ACSL5: variants seen among roughly 807,000 people sequenced by gnomAD.
ACSL5 encodes long-chain-fatty-acid--CoA ligase 5.
Under a neutral mutation model 84.9 loss-of-function variants are expected in ACSL5, and 50 were observed. That is an observed-to-expected ratio of 0.59 (90% CI 0.47 to 0.75). ACSL5 has a LOEUF of 0.75. ACSL5 is among the 30% of genes least tolerant of loss of function. ACSL5 has a pLI of 0.00. For missense variants in ACSL5, 775 were observed against 830.4 expected (o/e 0.93, Z 0.82); for synonymous variants, 280 against 300.7 (o/e 0.93, Z 0.71).
Position 112,398,903 on chromosome 10 carries a change from AG to A in ACSL5, c.161del (p.Gly54GlufsTer13), listed in dbSNP as rs745456547. 3 of 1,613,814 alleles carry A rather than the reference AG, an allele frequency of 1.9e-6. No individual in the cohort carries two copies. The African/African-American group carries it at 4.0e-5, about 22-fold the overall frequency. ...CTAAACTTGGTCTTGTGTCTTAGGG[AG>A]GAGCACGGAAGGGGGTTTCCCAGAA... ...LNNQSVGIEG[G>X]ARKGVSQKNN... On this transcript the variant is annotated frameshift_variant, in exon 3 of 21. Transcript: ENST00000354655. LOFTEE classifies it high-confidence loss of function.
intron 1 of ACSL5, among the ~76,000 whole-genome samples, chr10:112,388,308 T>G (rs1185630406): frequency 1.3e-5 from 2 of 152,292 alleles, no homozygotes; most frequent in Non-Finnish European, 2.9e-5. Flanking sequence ...ATTCCAACTC[T>G]TCTAAGCCTG....
Position 112,427,103 on chromosome 10 carries a change from G to C in ACSL5, c.1912-115G>C, listed in dbSNP as rs1257655902. On this transcript the variant is annotated intron_variant, in intron 20 of 20. Coordinates refer to ENST00000354655, the MANE Select transcript of ACSL5 (RefSeq NM_203379.2). ...TTTGTGGGAATGGGCATGTGTTACT[G>C]TTACCTTTACCCTTTCACTGCATCA... The C allele has an allele frequency of 2.7e-6, 3 of 1,130,432 alleles. No individual in the cohort carries two copies. The African/African-American group carries it at 4.7e-5, about 18-fold the overall frequency. 70.0% of individuals were successfully genotyped at this position (1,130,432 alleles called of 1,614,324 possible). A position where few individuals can be genotyped will look rare whatever the true frequency, so the allele number is the denominator to read the frequency against.
At chr10:112,410,223 A>G in intron 7 of ACSL5, 1 of 1,509,734 alleles carries the variant, frequency 6.6e-7, no homozygotes, top group Non-Finnish European at 8.9e-7. Context: ...TAAGAGTACA[A>G]TGGGAAGTTT....
chr10:112,421,638 T>C lies in ACSL5; in HGVS notation c.1360T>C (p.Phe454Leu). 1 of 1,614,126 alleles carries C rather than the reference T, an allele frequency of 6.2e-7. No individual in the cohort carries two copies. Among genetic ancestry groups the C allele is most frequent in the Non-Finnish European group, 8.5e-7 (1 of 1,179,964 alleles). Residue 454 changes from phenylalanine to leucine, a missense_variant, in exon 15 of 21, where the codon TTT becomes CTT. Physicochemically the swap from Phe to Leu is conservative, Grantham distance 22 (BLOSUM62 0). Coordinates refer to ENST00000354655, the MANE Select transcript of ACSL5 (RefSeq NM_203379.2). Reference sequence around the variant, plus strand: ...AACAGAATGCACAGGTGGCTGTACATTTACATTACCTGGGGACTGGACATC... The same window carrying C: ...AACAGAATGCACAGGTGGCTGTACACTTACATTACCTGGGGACTGGACATC... ...GQTECTGGCT[F>L]TLPGDWTSGH...
At chr10:112,374,589 A>C (rs1234400974) in intron 1 of ACSL5, among the ~76,000 whole-genome samples, 2 of 152,106 alleles carry the variant, frequency 1.3e-5, no homozygotes, top group East Asian at 3.9e-4. Flanking sequence ...CCATTAAGAA[A>C]TTTCTGTCTC....
chr10:112,420,312 T>C (rs188715975), intron 14 of ACSL5, among the ~76,000 whole-genome samples: 3 of 152,278 alleles, frequency 2.0e-5, no homozygotes, highest in Admixed American at 2.0e-4. Flanking sequence ...GTCAAGATTA[T>C]CTTCTATACC....
chr10:112,387,114 A>C (rs1375412311), intron 1 of ACSL5, among the ~76,000 whole-genome samples: 1 of 152,182 alleles, frequency 6.6e-6, no homozygotes, highest in Non-Finnish European at 1.5e-5. Context: ...GGTAGCTGAG[A>C]ATAGCTTCCC....
chr10:112,393,070 G>A (rs1843677233), intron 1 of ACSL5, among the ~76,000 whole-genome samples: 1 of 152,068 alleles, frequency 6.6e-6, no homozygotes, highest in African/African-American at 2.4e-5. Flanking sequence ...CTTCCCTGAG[G>A]CAGTCCTCCC....
intron 12 of ACSL5, among the ~76,000 whole-genome samples, chr10:112,416,247 A>G (rs567175621): frequency 3.3e-5 from 5 of 152,198 alleles, no homozygotes; most frequent in East Asian, 1.9e-4. Flanking sequence ...CAAGGCGGGC[A>G]GATCACGAGG....
At chr10:112,384,269 C>T (rs1248571540) in intron 1 of ACSL5, among the ~76,000 whole-genome samples, 4 of 151,648 alleles carry the variant, frequency 2.6e-5, no homozygotes, top group East Asian at 3.9e-4. Flanking sequence ...TTTGTTGTTC[C>T]GTAGTCCTAA....
intron 1 of ACSL5, among the ~76,000 whole-genome samples, chr10:112,380,897 C>T (rs1429658877): frequency 2.0e-5 from 3 of 152,118 alleles, no homozygotes; most frequent in Non-Finnish European, 4.4e-5. Context: ...CCTCCTACCT[C>T]ATTCTCCTGA....
chr10:112,419,409 TATTTCTA>T (rs1015783116), intron 14 of ACSL5: 5 of 152,234 alleles, frequency 3.3e-5, no homozygotes, highest in African/African-American at 9.6e-5. Context: ...TCCTTTTTTA[TATTTCTA>T]AGAGTTCTTC....
chr10:112,399,054 T>C (rs2133601143), intron 3 of ACSL5, 45 bp downstream of exon 3: 2 of 1,499,990 alleles, frequency 1.3e-6, no homozygotes, highest in East Asian at 4.5e-5. Context: ...CAAGGTGAGG[T>C]CTGTGGCCCA....
intron 20 of ACSL5, 83 bp downstream of exon 20, chr10:112,426,942 A>G: frequency 8.3e-7 from 1 of 1,207,858 alleles, no homozygotes; most frequent in Non-Finnish European, 1.2e-6. Flanking sequence ...TTAAATGTAT[A>G]ATTTCTAAGG....
chr10:112,417,047 A>G (rs1844330788), intron 13 of ACSL5, 25 bp downstream of exon 13: 2 of 1,606,700 alleles, frequency 1.2e-6, no homozygotes, highest in African/African-American at 2.7e-5. Context: ...TCCTGGACTG[A>G]AGCAGGCAAA....
intron 6 of ACSL5, 116 bp downstream of exon 6, chr10:112,408,637 C>A: frequency 2.7e-6 from 2 of 737,068 alleles, no homozygotes; most frequent in Non-Finnish European, 2.4e-6. Context: ...ATGCTGTGGT[C>A]GGAAAATGTT....
intron 17 of ACSL5, among the ~76,000 whole-genome samples, chr10:112,423,832 G>A (rs1844571820): frequency 6.6e-6 from 1 of 152,098 alleles, no homozygotes; most frequent in South Asian, 2.1e-4. Flanking sequence ...TGAGGCAGAA[G>A]TTGTGGTTTG....
At chr10:112,379,958 C>T (rs993627290) in intron 1 of ACSL5, among the ~76,000 whole-genome samples, 3 of 152,220 alleles carry the variant, frequency 2.0e-5, no homozygotes, top group African/African-American at 7.2e-5. Context: ...GCACAGGTGA[C>T]AGGGTCCTAG....
chr10:112,426,623 C>G, intron 19 of ACSL5, 165 bp from the exon 20 acceptor site: 1 of 657,742 alleles, frequency 1.5e-6, no homozygotes, highest in South Asian at 2.0e-5. Context: ...TGTGCCTTTT[C>G]TTCTCAGTTT....
Sources: gnomAD v4.1 joint callset for allele counts (sites outside exome capture counted in the v4.1 genomes callset) on GRCh38, gnomAD v4.1.1 for gene constraint, MANE v1.5 for transcripts, NCBI Gene and HGNC (gene_info 2026-07-23, HGNC 2026-07-21) for gene names.